The following TIGAR variants were observed in gnomAD, a reference collection of about 807,000 sequenced individuals.
TIGAR encodes the protein fructose-2,6-bisphosphatase TIGAR.
In TIGAR, 7 loss-of-function variants were observed where a neutral mutation model predicts 17.9. The ratio of observed to expected loss-of-function variants is 0.39; its 90% CI spans 0.22 to 0.73. The LOEUF (loss-of-function observed/expected upper bound fraction) is 0.73. Ranked by LOEUF, TIGAR falls within the 30% of genes least tolerant of loss-of-function variation. The pLI, the probability that TIGAR is intolerant of heterozygous loss-of-function variation, is 0.42. For missense variants in TIGAR, 258 were observed against 327.4 expected (o/e 0.79, Z 1.64); for synonymous variants, 94 against 108.6 (o/e 0.87, Z 0.84).
chr12:4,331,422 T>C, intron 2 of TIGAR, 105 bp downstream of exon 2: 1 of 1,021,710 alleles, frequency 9.8e-7, no homozygotes, highest in Non-Finnish European at 1.5e-6. Context: ...AGCACTCCAT[T>C]GTGAATTGGG....
intron 3 of TIGAR, among the ~76,000 whole-genome samples, chr12:4,339,730 G>A (rs1285566412): frequency 6.6e-6 from 1 of 152,182 alleles, no homozygotes; most frequent in Non-Finnish European, 1.5e-5. Context: ...AGGGATGCAA[G>A]GATGTTTCAA....
chr12:4,335,548 A>T (rs1270399271), intron 2 of TIGAR: 1 of 152,222 alleles, frequency 6.6e-6, no homozygotes, highest in Non-Finnish European at 1.5e-5. Flanking sequence ...TCTTTGTGCC[A>T]TGGGAGCACT....
intron 1 of TIGAR, chr12:4,324,691 C>T: frequency 1.1e-6 from 1 of 941,232 alleles, no homozygotes; most frequent in Admixed American, 2.0e-5. Flanking sequence ...CGGCCGCTGG[C>T]ACGCACTGTA....
chr12:4,324,527 C>G (rs1864516734), intron 1 of TIGAR: 19 of 1,609,516 alleles, frequency 1.2e-5, no homozygotes, highest in Non-Finnish European at 1.6e-5. Context: ...TTGTAGACGC[C>G]CACCATGCTG....
chr12:4,355,262 A>G lies in TIGAR; in HGVS notation c.*2571A>G, dbSNP rs1864886975. ...ATTTTTTTTTTCATGTGGTTGAAAC[A>G]GTTATCCCAACACCATTGTAAAGGC... On this transcript the variant is annotated 3_prime_UTR_variant, in exon 6 of 6. Transcript: ENST00000179259. 6.6e-6 allele frequency among the ~76,000 whole-genome samples: 1 copy of G among 152,028 alleles called. No individual in the cohort carries two copies. Among genetic ancestry groups the G allele is most frequent in the Admixed American group, 6.5e-5 (1 of 15,280 alleles).
chr12:4,321,245 C>A lies in TIGAR; in HGVS notation c.-27C>A. 6.3e-7 allele frequency: 1 copy of A among 1,599,838 alleles called. No individual in the cohort carries two copies. Among genetic ancestry groups the A allele is most frequent in the South Asian group, 1.1e-5 (1 of 91,078 alleles). On this transcript the variant is annotated 5_prime_UTR_variant, in exon 1 of 6. Transcript: ENST00000179259. This position sits in a 1 kb window ranked among gnomAD's most constrained non-coding sequence, Gnocchi z 5.2. ...AGTGCAGGGGCAGCGCGGCGCGGGG[C>A]CACCGACGGGACGCGGCTCCGGGAA...
chr12:4,333,466 T>C (rs1864624905), intron 2 of TIGAR, among the ~76,000 whole-genome samples: 1 of 151,892 alleles, frequency 6.6e-6, no homozygotes, highest in African/African-American at 2.4e-5. Flanking sequence ...ATTTTTTAAA[T>C]TTTTATTTAT....
chr12:4,337,986 C>T (rs371645888), intron 3 of TIGAR, among the ~76,000 whole-genome samples: 36 of 152,204 alleles, frequency 2.4e-4, no homozygotes, highest in African/African-American at 7.9e-4. Context: ...CAAAAATTAG[C>T]CAGGTGTGGT....
rs116889191 is a variant in TIGAR at position 4,348,900 on chromosome 12, G to A, written c.193-919G>A. Among the ~76,000 whole-genome samples, 1,012 of 152,264 alleles carry A rather than the reference G, an allele frequency of 6.6e-3. 8 individuals are homozygous for A. Among genetic ancestry groups the A allele is most frequent in the Non-Finnish European group, 0.01 (684 of 68,018 alleles). On this transcript the variant is annotated intron_variant, in intron 3 of 5. Coordinates refer to ENST00000179259, the MANE Select transcript of TIGAR (RefSeq NM_020375.3). ...GAAACAGCCACATGACTTACCCGAT[G>A]GAGTTACCAGACATGAGCTTTAAAA... is the stretch of plus-strand genomic sequence containing the variant.
intron 2 of TIGAR, among the ~76,000 whole-genome samples, chr12:4,334,643 T>C (rs1050363727): frequency 6.6e-6 from 1 of 152,248 alleles, no homozygotes; most frequent in Non-Finnish European, 1.5e-5. Context: ...CAAGTTTCTC[T>C]GCTCCTCATT....
chr12:4,337,095 G>T lies in TIGAR; in HGVS notation c.127G>T (p.Gly43Cys). 1 of 1,613,370 alleles carries T rather than the reference G, an allele frequency of 6.2e-7. No individual in the cohort carries two copies. Among genetic ancestry groups the T allele is most frequent in the Non-Finnish European group, 8.5e-7 (1 of 1,179,376 alleles). The change falls in exon 3 of 6, where the codon GGT becomes TGT. Residue 43 changes from glycine to cysteine, a missense_variant. Gly to Cys is a radical substitution (Grantham distance 159, BLOSUM62 -3). Coordinates refer to ENST00000179259, the MANE Select transcript of TIGAR (RefSeq NM_020375.3). ...TGGATTTAAACAAGCAGCAGCTGCT[G>T]GTATATTTCTGAATAATGTGAAGTT... ...ETGFKQAAAA[G>C]IFLNNVKFTH... is the part of the protein sequence containing the mutation.
intron 2 of TIGAR, among the ~76,000 whole-genome samples, chr12:4,336,203 C>T (rs1319135929): frequency 6.6e-6 from 1 of 152,154 alleles, no homozygotes; most frequent in Non-Finnish European, 1.5e-5. Flanking sequence ...TTTTATTTTA[C>T]CACAGGCCTG....
At position 4,356,580 on chromosome 12, in the gene TIGAR, A is replaced by G. The variant is rs904754946; in HGVS notation, c.*3889A>G. ...ATCGGTGAGCCCACATTACACTGAC[A>G]TATCCACATCACCTGAAACCCATAG... On this transcript the variant is annotated 3_prime_UTR_variant, in exon 6 of 6. Coordinates refer to ENST00000179259, the MANE Select transcript of TIGAR (RefSeq NM_020375.3). Among the ~76,000 whole-genome samples, 1 of 152,080 alleles carries G rather than the reference A, an allele frequency of 6.6e-6. No individual in the cohort carries two copies. The highest frequency in any genetic ancestry group is 1.9e-4 in the East Asian group (1 of 5,188).
intron 3 of TIGAR, among the ~76,000 whole-genome samples, chr12:4,346,607 G>A (rs936422205): frequency 6.6e-6 from 1 of 152,018 alleles, no homozygotes; most frequent in Non-Finnish European, 1.5e-5. Flanking sequence ...GCCTGTTGTG[G>A]GATGGGGGGA....
chr12:4,344,067 T>C (rs1864753597), intron 3 of TIGAR, among the ~76,000 whole-genome samples: 1 of 152,082 alleles, frequency 6.6e-6, no homozygotes, highest in East Asian at 1.9e-4. Context: ...CCCACAGAAA[T>C]ACGAACTACC....
At chr12:4,340,259 C>G (rs576689630) in intron 3 of TIGAR, among the ~76,000 whole-genome samples, 1 of 152,170 alleles carries the variant, frequency 6.6e-6, no homozygotes, top group South Asian at 2.1e-4. Flanking sequence ...TTTGAATATG[C>G]CAACAATGAA....
At chr12:4,336,568 A>C (rs1243948725) in intron 2 of TIGAR, among the ~76,000 whole-genome samples, 1 of 152,090 alleles carries the variant, frequency 6.6e-6, no homozygotes, top group South Asian at 2.1e-4. Context: ...TATCCTGGAA[A>C]TAGAGGTTTC....
chr12:4,325,335 A>G (rs1389297970), intron 1 of TIGAR, among the ~76,000 whole-genome samples: 1 of 152,240 alleles, frequency 6.6e-6, no homozygotes, highest in Non-Finnish European at 1.5e-5. Context: ...TGTTCTGTAT[A>G]TTAATAAAGC....
intron 3 of TIGAR, among the ~76,000 whole-genome samples, chr12:4,339,730 G>C (rs1285566412): frequency 6.6e-6 from 1 of 152,182 alleles, no homozygotes; most frequent in African/African-American, 2.4e-5. Flanking sequence ...AGGGATGCAA[G>C]GATGTTTCAA....
Sources: allele counts gnomAD v4.1 joint callset (sites outside exome capture counted in the v4.1 genomes callset), GRCh38; gene constraint gnomAD v4.1.1; non-coding constraint Gnocchi (gnomAD v3.1); transcripts MANE v1.5; gene names NCBI Gene and HGNC (gene_info 2026-07-23, HGNC 2026-07-21).